RRP12: variants seen among roughly 807,000 people sequenced by gnomAD.
The protein encoded by RRP12 is ribosomal RNA processing 12 homolog, also known as RRP12-like protein.
In RRP12, 78 loss-of-function variants were observed where a neutral mutation model predicts 157.3. The observed-to-expected ratio is 0.50, with a 90% CI of 0.41 to 0.60. The LOEUF (loss-of-function observed/expected upper bound fraction) is 0.60. Ranked by LOEUF, RRP12 falls within the 20% of genes least tolerant of loss-of-function variation. The pLI, the probability that RRP12 is intolerant of heterozygous loss-of-function variation, is 0.00. For synonymous variants in RRP12, 726 were observed against 670.9 expected (o/e 1.08, Z -1.27); for missense variants, 1,521 against 1,679.9 (o/e 0.91, Z 1.65).
intron 30 of RRP12, 65 bp downstream of exon 30, chr10:97,363,789 T>C: frequency 2.9e-6 from 4 of 1,380,834 alleles, no homozygotes; most frequent in Non-Finnish European, 4.1e-6. Flanking sequence ...GTGGTGGGGG[T>C]GAGAAGCTGT....
chr10:97,401,124 G>C lies in RRP12; in HGVS notation c.108C>G (p.Ala36=), dbSNP rs146510991. 1.2e-6 allele frequency: 2 copies of C among 1,613,850 alleles called. No homozygotes were observed. Among genetic ancestry groups the C allele is most frequent in the Admixed American group, 1.7e-5 (1 of 59,998 alleles). Residue 36 remains alanine (A), a synonymous_variant, in exon 1 of 34, where the codon GCC becomes GCG. Transcript: ENST00000370992. The part of the protein sequence containing the change: ...SNPAICRHRQ[A]ARSRFFSRPS... ...GCCGGCTGAAGAAGCGGCTGCGGGC[G>C]GCCTGACGGTGGCGGCAGATGGCGG...
chr10:97,366,430 C>A lies in RRP12; in HGVS notation c.3391+16G>T. 6.2e-7 allele frequency: 1 copy of A among 1,601,262 alleles called. No individual in the cohort carries two copies. On this transcript the variant is annotated intron_variant, in intron 28 of 33. Transcript: ENST00000370992. ...CAAGTCTGTTTTCTGAGTGCACTGG[C>A]CAGCCCTGTGCTTACCCAGGACTCG... is the stretch of plus-strand genomic sequence containing the variant.
At chr10:97,357,308 A>G in intron 33 of RRP12, 112 bp from the exon 34 acceptor site, 2 of 653,096 alleles carry the variant, frequency 3.1e-6, no homozygotes, top group Non-Finnish European at 5.3e-6. Context: ...GGGGGCCTCC[A>G]GGTGGTGGCC....
In RRP12 at chr10:97,388,540, C is replaced by T; in HGVS notation, c.838G>A (p.Ala280Thr). ...CAGAACTTGGCAGTGGAAATGGCAG[C>T]AGGATGATGGGCAGGGGCCTTTTCA... is the stretch of plus-strand genomic sequence containing the variant. The part of the protein sequence containing the change: ...MFEKAPAHHP[A>T]AISTAKFCIQ... Residue 280 changes from alanine (A) to threonine (T), a missense_variant, in exon 7 of 34, where the codon GCT becomes ACT. Physicochemically the swap from Ala to Thr is moderately conservative, Grantham distance 58 (BLOSUM62 0). Coordinates refer to ENST00000370992, the MANE Select transcript of RRP12 (RefSeq NM_015179.4). The T allele has an allele frequency of 6.2e-7, 1 of 1,614,160 alleles. No homozygotes were observed.
At position 97,371,039 on chromosome 10, in the gene RRP12, C is replaced by T; in HGVS notation, c.2386G>A (p.Glu796Lys). 4 of 1,613,934 alleles carry T rather than the reference C, an allele frequency of 2.5e-6. No homozygotes were observed. The highest frequency in any genetic ancestry group is 3.4e-6 in the Non-Finnish European group (4 of 1,179,970). The change falls in exon 21 of 34, where the codon GAG (glutamate) becomes AAG (lysine). Residue 796 changes from glutamate (E) to lysine (K), a missense_variant. Coordinates refer to ENST00000370992, the MANE Select transcript of RRP12 (RefSeq NM_015179.4). ...CCCTGAGGACTGGCACACACCTCCTCCAGCACTCGGTAGGCCTTCTTCTGC... is the reference window on the plus strand; with the variant it reads ...CCCTGAGGACTGGCACACACCTCCTTCAGCACTCGGTAGGCCTTCTTCTGC... ...GVQKKAYRVL[E>K]EVCASPQGPG...
At position 97,381,507 on chromosome 10, in the gene RRP12, T is replaced by C; in HGVS notation, c.1321-24A>G. The C allele has an allele frequency of 2.5e-6, 4 of 1,580,476 alleles. No homozygotes were observed. The Admixed American group carries it at 7.1e-5, about 28-fold the overall frequency. ...TCCTGCGAAGAGAGGCCACAGGCTTTCTGGGCCCAAGGCAGCCCCCCAGGA... is the reference window on the plus strand; with the variant it reads ...TCCTGCGAAGAGAGGCCACAGGCTTCCTGGGCCCAAGGCAGCCCCCCAGGA... On this transcript the variant is annotated intron_variant, in intron 11 of 33. Coordinates refer to ENST00000370992, the MANE Select transcript of RRP12 (RefSeq NM_015179.4).
intron 23 of RRP12, 72 bp from the exon 24 acceptor site, chr10:97,370,346 G>A: frequency 1.4e-6 from 2 of 1,382,648 alleles, no homozygotes; most frequent in Non-Finnish European, 2.0e-6. Context: ...CCAGAGAGGA[G>A]CAGCCTGCCC....
At chr10:97,361,640 T>G (rs915981893) in intron 30 of RRP12, among the ~76,000 whole-genome samples, 1 of 152,118 alleles carries the variant, frequency 6.6e-6, no homozygotes, top group Non-Finnish European at 1.5e-5. Flanking sequence ...CTGAGTGGGC[T>G]CCTAGTGGAG....
At chr10:97,392,427 G>T (rs1286681842) in intron 4 of RRP12, among the ~76,000 whole-genome samples, 1 of 152,140 alleles carries the variant, frequency 6.6e-6, no homozygotes, top group African/African-American at 2.4e-5. Flanking sequence ...TTGGCTCAAT[G>T]CAACCTCCAC....
intron 6 of RRP12, among the ~76,000 whole-genome samples, chr10:97,389,156 G>GT (rs755717631): frequency 1.3e-5 from 2 of 152,102 alleles, no homozygotes; most frequent in Non-Finnish European, 1.5e-5. Context: ...GTGCAGTGGC[G>GT]GATCTCGGCT....
intron 4 of RRP12, chr10:97,393,065 C>T (rs1480609036): frequency 1.6e-5 from 4 of 255,720 alleles, no homozygotes; most frequent in South Asian, 4.4e-5. Flanking sequence ...TTAGTAGAGG[C>T]GGGGTTTCAC....
Position 97,371,030 on chromosome 10 carries a change from A to G in RRP12, c.2395T>C (p.Cys799Arg). Residue 799 changes from cysteine (C) to arginine (R), a missense_variant, in exon 21 of 34, where the codon TGT becomes CGT. Physicochemically the swap from Cys to Arg is radical, Grantham distance 180. Coordinates refer to ENST00000370992, the MANE Select transcript of RRP12 (RefSeq NM_015179.4). ...GCCCCGGGGCCCTGAGGACTGGCACACACCTCCTCCAGCACTCGGTAGGCC... is the reference window on the plus strand; with the variant it reads ...GCCCCGGGGCCCTGAGGACTGGCACGCACCTCCTCCAGCACTCGGTAGGCC... Reference protein sequence around the residue: ...KKAYRVLEEVCASPQGPGALF... With the variant: ...KKAYRVLEEVRASPQGPGALF... 6.2e-7 allele frequency: 1 copy of G among 1,613,860 alleles called. No homozygotes were observed. Among genetic ancestry groups the G allele is most frequent in the Non-Finnish European group, 8.5e-7 (1 of 1,179,958 alleles).
In RRP12 at chr10:97,358,441, C is replaced by G. The variant is rs1589406546; in HGVS notation, c.3791+96G>C. 4 of 882,818 alleles carry G rather than the reference C, an allele frequency of 4.5e-6. No homozygotes were observed. In the East Asian group the frequency reaches 9.7e-5, roughly 21 times the overall value. 54.7% of individuals were successfully genotyped at this position (882,818 alleles called of 1,614,324 possible). A position where few individuals can be genotyped will look rare whatever the true frequency, so the allele number is the denominator to read the frequency against. ...AAAGCTGGAAGAGACTCAAATTGAG[C>G]TGAGAGTTTAATAAGGCCTTCCCTT... On this transcript the variant is annotated intron_variant, in intron 33 of 33. Coordinates refer to ENST00000370992, the MANE Select transcript of RRP12 (RefSeq NM_015179.4).
chr10:97,385,825 T>G, intron 9 of RRP12, 70 bp downstream of exon 9: 1 of 1,146,266 alleles, frequency 8.7e-7, no homozygotes, highest in Non-Finnish European at 1.3e-6. Flanking sequence ...GCAGGGCCAG[T>G]GCCCCCAGCA....
At chr10:97,364,836 C>G (rs1030435879) in intron 29 of RRP12, among the ~76,000 whole-genome samples, 5 of 152,036 alleles carry the variant, frequency 3.3e-5, no homozygotes, top group Non-Finnish European at 5.9e-5. Flanking sequence ...GAGCTTTGAG[C>G]TGAATCCTGA....
In RRP12 at chr10:97,356,990, C is replaced by A. The variant is rs1332002324; in HGVS notation, c.*104G>T. ...GCCCTAGTTCCAAGTCATCCTGAGT[C>A]CAGGCTCTGCCAGAATCTTGAGCAC... On this transcript the variant is annotated 3_prime_UTR_variant, in exon 34 of 34. Coordinates refer to ENST00000370992, the MANE Select transcript of RRP12 (RefSeq NM_015179.4). 10 of 674,442 alleles carry A rather than the reference C, an allele frequency of 1.5e-5. No individual in the cohort carries two copies. In the Admixed American group the frequency reaches 2.3e-4, roughly 16 times the overall value. The allele number at this position is 674,442 out of a possible 1,614,324, so 41.8% of individuals were successfully genotyped here.
In RRP12 at chr10:97,376,873, TTTC is replaced by T. The variant is rs935124546; in HGVS notation, c.1798+2417_1798+2419del. 9.9e-5 allele frequency among the ~76,000 whole-genome samples: 15 copies of T among 151,762 alleles called. 1 individual carries two copies. The highest frequency in any genetic ancestry group is 6.2e-4 in the South Asian group (3 of 4,810). ...TAAGCTCGGCAGGCCATACAATTTC[TTTC>T]TTTTCTTTTTTTTTTTTTTTTGAGA... On this transcript the variant is annotated intron_variant, in intron 15 of 33. Coordinates refer to ENST00000370992, the MANE Select transcript of RRP12 (RefSeq NM_015179.4).
Position 97,357,098 on chromosome 10 carries a change from G to C in RRP12, c.3890C>G (p.Pro1297Arg). The C allele has an allele frequency of 6.2e-7, 1 of 1,608,666 alleles. No homozygotes were observed. The highest frequency in any genetic ancestry group is 1.1e-5 in the South Asian group (1 of 90,862). The change falls in exon 34 of 34, where the codon CCC (proline) becomes CGC (arginine). Residue 1297 changes from proline to arginine, a missense_variant. Transcript: ENST00000370992. Reference protein sequence around the residue: ...GHKNRRKDRRP With the variant: ...GHKNRRKDRRR ...GCAGCCCAGGGGCCCTGGGCCTCAG[G>C]GTCGACGATCCTTTCTGCGGTTTTT...
In RRP12 at chr10:97,365,151, G is replaced by A. The variant is rs565325321; in HGVS notation, c.3517+957C>T. Among the ~76,000 whole-genome samples, 15 of 152,258 alleles carry A rather than the reference G, an allele frequency of 9.9e-5. No individual in the cohort carries two copies. In the East Asian group the frequency reaches 2.9e-3, roughly 29 times the overall value. ...GAGCGGCTGCAGTCGTGTGGCTGGT[G>A]AGTTGGGTGCATGTGGAGCAGTGAG... On this transcript the variant is annotated intron_variant, in intron 29 of 33. Transcript: ENST00000370992.
Sources: gnomAD v4.1 joint callset for allele counts (sites outside exome capture counted in the v4.1 genomes callset) on GRCh38, gnomAD v4.1.1 for gene constraint, MANE v1.5 for transcripts, NCBI Gene and HGNC (gene_info 2026-07-23, HGNC 2026-07-21) for gene names.